The following CFAP100 variants were observed in gnomAD, a reference collection of about 807,000 sequenced individuals.
CFAP100 encodes the protein cilia and flagella associated protein 100, also known as cilia- and flagella-associated protein 100.
CFAP100 carries 70 observed loss-of-function variants against 81.5 expected under a neutral mutation model. The observed-to-expected ratio is 0.86, with a 90% CI of 0.71 to 1.05. CFAP100 has a LOEUF of 1.05. CFAP100 is among the 50% of genes least tolerant of loss of function. The pLI, the probability that CFAP100 is intolerant of heterozygous loss-of-function variation, is 0.00. For synonymous variants in CFAP100, 341 were observed against 314.8 expected, an observed-to-expected ratio of 1.08 and a Z score of -0.88; for missense variants, 811 against 776.5, an observed-to-expected ratio of 1.04 and a Z score of -0.53.
intron 3 of CFAP100, among the ~76,000 whole-genome samples, chr3:126,413,084 A>C (rs1194476696): frequency 6.6e-6 from 1 of 152,214 alleles, no homozygotes; most frequent in Non-Finnish European, 1.5e-5. Context: ...ATGATTCCTA[A>C]TTGAGGGCAA....
chr3:126,428,849 G>A (rs973030285), intron 13 of CFAP100, among the ~76,000 whole-genome samples: 22 of 152,120 alleles, frequency 1.4e-4, no homozygotes, highest in Non-Finnish European at 2.8e-4. Flanking sequence ...GCTCACGCCT[G>A]TAATCCCAGC....
chr3:126,418,712 C>A lies in CFAP100; in HGVS notation c.588C>A (p.Asp196Glu), dbSNP rs1409999870. ...LERAEKSLEK[D>E]AALFDEFVRE... ...GGGCCGAGAAATCCCTGGAGAAGGA[C>A]GCCGCCTTGTTCGACGAGTTCGTCA... is the stretch of plus-strand genomic sequence containing the variant. The change falls in exon 7 of 17, where the codon GAC becomes GAA. Residue 196 changes from aspartate to glutamate, a missense_variant. Asp to Glu is a conservative substitution (Grantham distance 45, BLOSUM62 2). Coordinates refer to ENST00000352312, the MANE Select transcript of CFAP100 (RefSeq NM_182628.3). The A allele has an allele frequency of 2.8e-5, 45 of 1,591,850 alleles. No individual in the cohort carries two copies. The highest frequency in any genetic ancestry group is 3.8e-5 in the Non-Finnish European group (44 of 1,169,806).
chr3:126,396,108 C>A, intron 2 of CFAP100, 59 bp downstream of exon 2: 1 of 1,309,534 alleles, frequency 7.6e-7, no homozygotes, highest in Non-Finnish European at 1.1e-6. Flanking sequence ...GGAGCCTGTC[C>A]AGCTCCCTCA....
chr3:126,423,332 T>C lies in CFAP100; in HGVS notation c.1090T>C (p.Ser364Pro), dbSNP rs2083361206. ...SSGGDSRGSN[S>P]PIPPTQEDTD... ...CCTGCCATCTCTTCGCAGGTCGAAC[T>C]CTCCCATCCCCCCCACGCAGGAGGA... Residue 364 changes from serine to proline, a missense_variant, in exon 12 of 17, where the codon TCT becomes CCT. Physicochemically the swap from Ser to Pro is moderately conservative, Grantham distance 74. Coordinates refer to ENST00000352312, the MANE Select transcript of CFAP100 (RefSeq NM_182628.3). The C allele has an allele frequency of 1.9e-6, 3 of 1,613,132 alleles. No individual in the cohort carries two copies. The South Asian group carries it at 3.3e-5, about 18-fold the overall frequency.
chr3:126,426,020 C>A (rs146996113), intron 13 of CFAP100, among the ~76,000 whole-genome samples: 1 of 152,190 alleles, frequency 6.6e-6, no homozygotes, highest in Non-Finnish European at 1.5e-5. Flanking sequence ...GAGGTCTTCT[C>A]TCACTACTAC....
chr3:126,407,050 C>T (rs1340911766), intron 2 of CFAP100, 122 bp from the exon 3 acceptor site: 2 of 590,540 alleles, frequency 3.4e-6, no homozygotes, highest in Non-Finnish European at 3.1e-6. Flanking sequence ...CTCAGTCTCA[C>T]AGGGGAGGGA....
chr3:126,411,125 T>C (rs947285641), intron 3 of CFAP100, among the ~76,000 whole-genome samples: 13 of 152,358 alleles, frequency 8.5e-5, no homozygotes, highest in African/African-American at 2.9e-4. Context: ...GAATGCTTTT[T>C]CTGCATCTTT....
At chr3:126,428,611 T>C (rs1933055057) in intron 13 of CFAP100, among the ~76,000 whole-genome samples, 1 of 152,158 alleles carries the variant, frequency 6.6e-6, no homozygotes, top group Non-Finnish European at 1.5e-5. Flanking sequence ...GTGCATGTGT[T>C]AGGGTGAGGT....
intron 11 of CFAP100, among the ~76,000 whole-genome samples, chr3:126,423,068 G>C (rs9868833): frequency 6.6e-6 from 1 of 152,214 alleles, no homozygotes; most frequent in Non-Finnish European, 1.5e-5. Context: ...TCTGGCGACA[G>C]GTCTGGAACA....
At chr3:126,426,432 G>A (rs935289551) in intron 13 of CFAP100, among the ~76,000 whole-genome samples, 34 of 149,438 alleles carry the variant, frequency 2.3e-4, no homozygotes, top group African/African-American at 8.1e-4. Flanking sequence ...TCCACCCTGG[G>A]TGACACAGTG....
At chr3:126,430,520 CCTTT>C (rs1490103946) in intron 13 of CFAP100, among the ~76,000 whole-genome samples, 2 of 151,218 alleles carry the variant, frequency 1.3e-5, no homozygotes, top group South Asian at 2.1e-4. Flanking sequence ...AATACTTTGC[CCTTT>C]CTCTCTCTCC....
chr3:126,413,398 G>A (rs1018947087), intron 3 of CFAP100, among the ~76,000 whole-genome samples: 2 of 152,234 alleles, frequency 1.3e-5, no homozygotes, highest in Non-Finnish European at 2.9e-5. Flanking sequence ...ATTTCTGGGG[G>A]GTTGGGGTTG....
chr3:126,407,930 C>T (rs562199679), intron 3 of CFAP100, among the ~76,000 whole-genome samples: 18 of 152,322 alleles, frequency 1.2e-4, no homozygotes, highest in African/African-American at 2.9e-4. Context: ...TGCTGTCTCC[C>T]GCTCTGCCCC....
At chr3:126,405,820 C>T (rs1029475568) in intron 2 of CFAP100, among the ~76,000 whole-genome samples, 1 of 152,024 alleles carries the variant, frequency 6.6e-6, no homozygotes, top group African/African-American at 2.4e-5. Context: ...CAGGGTCTCA[C>T]CCTGTCACCC....
At chr3:126,423,412 C>T (rs1054793387) in intron 12 of CFAP100, 36 bp downstream of exon 12, 2 of 1,608,660 alleles carry the variant, frequency 1.2e-6, no homozygotes, top group African/African-American at 1.3e-5. Flanking sequence ...ATTCGGAAGT[C>T]GCCCCTCTCT....
chr3:126,433,192 G>A lies in CFAP100; in HGVS notation c.1410G>A (p.Lys470=). The A allele has an allele frequency of 1.2e-6, 2 of 1,614,194 alleles. No homozygotes were observed. The highest frequency in any genetic ancestry group is 1.1e-5 in the South Asian group (1 of 91,082). ...GAGTCTTCCACTTCGGCGAGTACAA[G>A]GGCGATCAGCAGGTAGGCTGGGGAT... ...KARVFHFGEY[K]GDQQDKLLES... The change falls in exon 14 of 17, where the codon AAG becomes AAA. Residue 470 remains lysine (K), a synonymous_variant. Transcript: ENST00000352312.
At chr3:126,416,640 C>A in intron 5 of CFAP100, 132 bp downstream of exon 5, 1 of 761,716 alleles carries the variant, frequency 1.3e-6, no homozygotes, top group Non-Finnish European at 2.0e-6. Context: ...TTCGGAAAGG[C>A]CTGCCCTTTC....
At chr3:126,397,723 C>T (rs998297243) in intron 2 of CFAP100, among the ~76,000 whole-genome samples, 3 of 152,214 alleles carry the variant, frequency 2.0e-5, no homozygotes, top group African/African-American at 4.8e-5. Context: ...GGCAGGGGAC[C>T]TGGCCAGGGG....
intron 2 of CFAP100, among the ~76,000 whole-genome samples, chr3:126,398,477 T>C (rs1053503019): frequency 1.3e-5 from 2 of 152,232 alleles, no homozygotes; most frequent in East Asian, 3.8e-4. Context: ...GCCGTGTGCA[T>C]GCGCGTCAGG....
Sources: allele counts gnomAD v4.1 joint callset (sites outside exome capture counted in the v4.1 genomes callset), GRCh38; gene constraint gnomAD v4.1.1; transcripts MANE v1.5; gene names NCBI Gene and HGNC (gene_info 2026-07-23, HGNC 2026-07-21).